PRDM16: variants seen among roughly 807,000 people sequenced by gnomAD.
The protein encoded by PRDM16 is histone-lysine N-methyltransferase PRDM16.
A neutral mutation model predicts 110.6 loss-of-function variants in PRDM16; 23 were observed. The ratio of observed to expected loss-of-function variants is 0.21; its 90% CI spans 0.15 to 0.29. The LOEUF (loss-of-function observed/expected upper bound fraction) is 0.29. PRDM16 is among the 10% of genes least tolerant of loss of function. PRDM16 has a pLI of 1.00. For synonymous variants in PRDM16, 799 were observed against 781.8 expected, an observed-to-expected ratio of 1.02 and a Z score of -0.37; for missense variants, 1,615 against 1,794.3, an observed-to-expected ratio of 0.90 and a Z score of 1.81.
At chr1:3,126,005 C>G (rs528791116) in intron 1 of PRDM16, among the ~76,000 whole-genome samples, 2 of 152,234 alleles carry the variant, frequency 1.3e-5, no homozygotes, top group Non-Finnish European at 2.9e-5. Context: ...TCCTGTGAAA[C>G]CTTGTAGAGA....
intron 2 of PRDM16, among the ~76,000 whole-genome samples, chr1:3,220,394 C>T (rs1020972036): frequency 2.0e-5 from 3 of 152,214 alleles, no homozygotes; most frequent in South Asian, 2.1e-4. Flanking sequence ...CAGCCCTCCC[C>T]GCGTCTGCCA....
intron 1 of PRDM16, among the ~76,000 whole-genome samples, chr1:3,153,150 GT>G (rs1274347822): frequency 1.3e-5 from 2 of 152,218 alleles, no homozygotes; most frequent in Non-Finnish European, 2.9e-5. Flanking sequence ...TCCCTGTTTG[GT>G]GCATGGTGAC....
chr1:3,195,207 G>C (rs915287540), intron 2 of PRDM16, among the ~76,000 whole-genome samples: 1 of 152,182 alleles, frequency 6.6e-6, no homozygotes, highest in South Asian at 2.1e-4. Flanking sequence ...GCGTTGCTCC[G>C]GGAGAAGCCG....
At chr1:3,203,606 A>T (rs866929846) in intron 2 of PRDM16, among the ~76,000 whole-genome samples, 2 of 152,042 alleles carry the variant, frequency 1.3e-5, no homozygotes, top group Non-Finnish European at 1.5e-5. Flanking sequence ...TGTGGTGCAG[A>T]TCTTCCCCAT....
At position 3,370,699 on chromosome 1, in the gene PRDM16, C is replaced by A. The variant is rs114079022; in HGVS notation, c.439-14453C>A. Among the ~76,000 whole-genome samples the A allele has an allele frequency of 7.4e-3, 1,131 of 152,290 alleles. 9 individuals carry two copies. Among genetic ancestry groups the A allele is most frequent in the Non-Finnish European group, 0.013 (885 of 68,024 alleles). On this transcript the variant is annotated intron_variant, in intron 3 of 16. Coordinates refer to ENST00000270722, the MANE Select transcript of PRDM16 (RefSeq NM_022114.4). This position sits in a 1 kb window ranked among gnomAD's most constrained non-coding sequence, Gnocchi z 4.8. ...GGTGTCCTGTGCTCTGCCACCATGA[C>A]AACTCCTGGAATGGTGTTCCCTTGT...
At chr1:3,225,921 T>G (rs1189179744) in intron 2 of PRDM16, among the ~76,000 whole-genome samples, 1 of 152,204 alleles carries the variant, frequency 6.6e-6, no homozygotes, top group Non-Finnish European at 1.5e-5. Flanking sequence ...CTTCTTTACC[T>G]CTGCAGGAAC....
In PRDM16 at chr1:3,404,742, G is replaced by T; in HGVS notation, c.888G>T (p.Leu296=). ...GTGAGCCTCGTCCTCTGCGCAGCCT[G>T]GAGCAGCACATGGTCATCCACACGG... The part of the protein sequence containing the change: ...CERMFPNKYS[L]EQHMVIHTEE... Residue 296 remains leucine, a synonymous_variant, in exon 7 of 17, where the codon CTG becomes CTT. Transcript: ENST00000270722. The T allele has an allele frequency of 1.2e-6, 2 of 1,613,338 alleles. No individual in the cohort carries two copies. The highest frequency in any genetic ancestry group is 1.1e-5 in the South Asian group (1 of 91,080).
intron 3 of PRDM16, among the ~76,000 whole-genome samples, chr1:3,295,030 C>T (rs1180567059): frequency 6.6e-6 from 1 of 152,202 alleles, no homozygotes; most frequent in Non-Finnish European, 1.5e-5. Flanking sequence ...CCTGCACCCT[C>T]AGCCCCACTG....
chr1:3,145,451 G>A (rs1284377512), intron 1 of PRDM16, among the ~76,000 whole-genome samples: 7 of 152,312 alleles, frequency 4.6e-5, no homozygotes, highest in Non-Finnish European at 8.8e-5. Context: ...GCCCTGGAAG[G>A]AGGAACGGGG....
At chr1:3,432,174 C>T in intron 16 of PRDM16, 34 bp downstream of exon 16, 2 of 1,592,790 alleles carry the variant, frequency 1.3e-6, no homozygotes, top group Non-Finnish European at 1.7e-6. Flanking sequence ...CCCCACCCCA[C>T]CTGGCCTCCT....
At chr1:3,257,074 C>T (rs551397770) in intron 3 of PRDM16, among the ~76,000 whole-genome samples, 22 of 152,240 alleles carry the variant, frequency 1.4e-4, no homozygotes, top group Admixed American at 4.6e-4. Flanking sequence ...CGTTAAGTGA[C>T]GCACGTAGGG....
At chr1:3,090,939 A>G (rs1397804060) in intron 1 of PRDM16, among the ~76,000 whole-genome samples, 1 of 152,200 alleles carries the variant, frequency 6.6e-6, no homozygotes, top group African/African-American at 2.4e-5. Context: ...TGTGTGATCT[A>G]TGGGGAGCCA....
intron 1 of PRDM16, among the ~76,000 whole-genome samples, chr1:3,163,669 C>T (rs946829890): frequency 6.6e-6 from 1 of 152,268 alleles, no homozygotes; most frequent in East Asian, 1.9e-4. Context: ...ACCCTTGTCC[C>T]GGCCTCCTTC....
At chr1:3,277,456 C>G (rs899415273) in intron 3 of PRDM16, among the ~76,000 whole-genome samples, 1 of 152,262 alleles carries the variant, frequency 6.6e-6, no homozygotes, top group African/African-American at 2.4e-5. Flanking sequence ...GCTCAGGCCT[C>G]TCCTCACCAC....
At chr1:3,184,937 G>C (rs1365586020) in intron 1 of PRDM16, among the ~76,000 whole-genome samples, 2 of 152,162 alleles carry the variant, frequency 1.3e-5, no homozygotes, top group African/African-American at 4.8e-5. Flanking sequence ...GGCTTCCTAC[G>C]CCGAGTGCCG....
chr1:3,161,757 G>A (rs566266340), intron 1 of PRDM16, among the ~76,000 whole-genome samples: 7 of 152,178 alleles, frequency 4.6e-5, no homozygotes, highest in East Asian at 3.9e-4. Flanking sequence ...GGATTTTTGC[G>A]GCACCTGAAC....
chr1:3,177,604 C>T (rs899058906), intron 1 of PRDM16, among the ~76,000 whole-genome samples: 1 of 152,206 alleles, frequency 6.6e-6, no homozygotes, highest in African/African-American at 2.4e-5. Context: ...TCAATATCAG[C>T]AGCCGGCCAG....
At chr1:3,106,223 C>A (rs1471713881) in intron 1 of PRDM16, among the ~76,000 whole-genome samples, 3 of 152,232 alleles carry the variant, frequency 2.0e-5, no homozygotes, top group Non-Finnish European at 4.4e-5. Context: ...AGCAGGTGGC[C>A]AGGTCTGCAG....
intron 1 of PRDM16, among the ~76,000 whole-genome samples, chr1:3,162,171 C>T (rs368389283): frequency 1.3e-4 from 20 of 152,124 alleles, no homozygotes; most frequent in African/African-American, 4.8e-4. Flanking sequence ...TTCAATATGC[C>T]CGGGCCACTG....
Sources: gnomAD v4.1 joint callset for allele counts (sites outside exome capture counted in the v4.1 genomes callset) on GRCh38, gnomAD v4.1.1 for gene constraint, Gnocchi (gnomAD v3.1) non-coding constraint, MANE v1.5 for transcripts, NCBI Gene and HGNC (gene_info 2026-07-23, HGNC 2026-07-21) for gene names.